The following KCTD8 variants were observed in gnomAD, a reference collection of about 807,000 sequenced individuals.
KCTD8 encodes potassium channel tetramerization domain containing 8.
Under a neutral mutation model 31.5 loss-of-function variants are expected in KCTD8, and 27 were observed. The observed-to-expected ratio is 0.86, with a 90% confidence interval of 0.63 to 1.18. KCTD8 has a LOEUF of 1.18. KCTD8 is among the 50% of genes most tolerant of loss of function. KCTD8 has a pLI of 0.00. For missense variants in KCTD8, 658 were observed against 647.7 expected (o/e 1.02, Z -0.17); for synonymous variants, 290 against 280.0 (o/e 1.04, Z -0.36).
At chr4:44,437,133 C>A (rs540305709) in intron 1 of KCTD8, among the ~76,000 whole-genome samples, 11 of 151,178 alleles carry the variant, frequency 7.3e-5, no homozygotes, top group Non-Finnish European at 1.5e-4. Flanking sequence ...CTTAAAGCAA[C>A]TCACAAGTCC....
intron 1 of KCTD8, among the ~76,000 whole-genome samples, chr4:44,260,096 T>C (rs555449315): frequency 1.3e-4 from 19 of 151,700 alleles, no homozygotes; most frequent in Middle Eastern, 3.4e-3. Flanking sequence ...GCTAAACTTG[T>C]CACAAGCAAA....
chr4:44,257,406 A>G (rs1716020801), intron 1 of KCTD8, among the ~76,000 whole-genome samples: 1 of 152,008 alleles, frequency 6.6e-6, no homozygotes, highest in Admixed American at 6.6e-5. Context: ...TATTTAAAAG[A>G]CTGAATTGTT....
Position 44,332,156 on chromosome 4 carries a change from C to G in KCTD8, c.961+115407G>C, listed in dbSNP as rs114775356. ...CACTGATCGTTCAATTATTTTCTAG[C>G]TACACAGTCTCTAAATTTCAGTGTT... On this transcript the variant is annotated intron_variant, in intron 1 of 1. Transcript: ENST00000360029. Among the ~76,000 whole-genome samples the G allele has an allele frequency of 6.4e-3, 975 of 151,992 alleles. 12 individuals carry two copies. The highest frequency in any genetic ancestry group is 0.023 in the African/African-American group (937 of 41,530).
chr4:44,411,665 G>A (rs1720961058), intron 1 of KCTD8, among the ~76,000 whole-genome samples: 2 of 152,116 alleles, frequency 1.3e-5, no homozygotes, highest in Admixed American at 6.6e-5. Context: ...AAATGGAATT[G>A]GGATGAAATC....
intron 1 of KCTD8, among the ~76,000 whole-genome samples, chr4:44,218,600 A>G (rs1366948477): frequency 6.7e-6 from 1 of 148,542 alleles, no homozygotes; most frequent in East Asian, 2.0e-4. Context: ...ATATAGATAT[A>G]TATCTACTAT....
intron 1 of KCTD8, among the ~76,000 whole-genome samples, chr4:44,337,820 G>T (rs1483474061): frequency 1.3e-5 from 2 of 151,590 alleles, no homozygotes; most frequent in Non-Finnish European, 2.9e-5. Flanking sequence ...GACACGAACT[G>T]AACTATTTAA....
At chr4:44,189,217 T>C (rs1713685991) in intron 1 of KCTD8, among the ~76,000 whole-genome samples, 1 of 152,202 alleles carries the variant, frequency 6.6e-6, no homozygotes, top group Non-Finnish European at 1.5e-5. Context: ...CATTCTACTT[T>C]GTGGGTATCC....
intron 1 of KCTD8, among the ~76,000 whole-genome samples, chr4:44,370,989 C>T (rs1322175386): frequency 6.6e-6 from 1 of 152,024 alleles, no homozygotes; most frequent in Non-Finnish European, 1.5e-5. Context: ...CCAAAATTTG[C>T]TGTCTGCAAG....
At chr4:44,201,380 A>C (rs532171096) in intron 1 of KCTD8, among the ~76,000 whole-genome samples, 1 of 152,294 alleles carries the variant, frequency 6.6e-6, no homozygotes, top group African/African-American at 2.4e-5. Flanking sequence ...ACAAAGATGG[A>C]GGTATCACAT....
chr4:44,392,807 A>C (rs1189834493), intron 1 of KCTD8, among the ~76,000 whole-genome samples: 1 of 152,032 alleles, frequency 6.6e-6, no homozygotes, highest in Non-Finnish European at 1.5e-5. Context: ...GCTTCATCAT[A>C]ATTTCTGTCT....
At position 44,286,761 on chromosome 4, in the gene KCTD8, C is replaced by T. The variant is rs1408477943; in HGVS notation, c.962-111511G>A. ...GTTTTAAGAAAAAATAACTTTGCTCCTGGAAAGAGGATGGATGGTTTAGGG... is the reference window on the plus strand; with the variant it reads ...GTTTTAAGAAAAAATAACTTTGCTCTTGGAAAGAGGATGGATGGTTTAGGG... On this transcript the variant is annotated intron_variant, in intron 1 of 1. Transcript: ENST00000360029. Among the ~76,000 whole-genome samples the T allele has an allele frequency of 5.9e-5, 9 of 151,938 alleles. 1 individual carries two copies. In the South Asian group the frequency reaches 1.5e-3, roughly 24 times the overall value.
At chr4:44,303,718 A>C (rs1717711203) in intron 1 of KCTD8, among the ~76,000 whole-genome samples, 1 of 151,988 alleles carries the variant, frequency 6.6e-6, no homozygotes, top group African/African-American at 2.4e-5. Context: ...TAGGAGGCTA[A>C]GGCAGAATTG....
At chr4:44,228,546 GT>G (rs1715029212) in intron 1 of KCTD8, among the ~76,000 whole-genome samples, 2 of 152,196 alleles carry the variant, frequency 1.3e-5, no homozygotes, top group African/African-American at 4.8e-5. Flanking sequence ...TCAAACACAA[GT>G]TTTTCCTGCT....
rs546208063 is a variant in KCTD8, at chr4:44,375,093, A to C, written c.961+72470T>G. On this transcript the variant is annotated intron_variant, in intron 1 of 1. Coordinates refer to ENST00000360029, the MANE Select transcript of KCTD8 (RefSeq NM_198353.3). Reference sequence around the variant, plus strand: ...TTCACCTGAATTGTTTATATTTTACATTAAGAGACCTCAGAATTAGAAAGT... The same window carrying C: ...TTCACCTGAATTGTTTATATTTTACCTTAAGAGACCTCAGAATTAGAAAGT... Among the ~76,000 whole-genome samples, 4 of 152,322 alleles carry C rather than the reference A, an allele frequency of 2.6e-5. No homozygotes were observed. The East Asian group carries it at 7.7e-4, about 29-fold the overall frequency.
intron 1 of KCTD8, among the ~76,000 whole-genome samples, chr4:44,322,403 A>T (rs898617194): frequency 1.3e-5 from 2 of 151,936 alleles, no homozygotes; most frequent in Admixed American, 6.6e-5. Context: ...TTCTTTTGAG[A>T]AATGTCTATT....
intron 1 of KCTD8, among the ~76,000 whole-genome samples, chr4:44,317,335 G>C (rs555417907): frequency 0.011 from 1,440 of 129,004 alleles, 18 homozygotes; most frequent in Non-Finnish European, 0.018. Context: ...CGCTTCCCGG[G>C]TTCACGCCAT....
chr4:44,225,846 A>T (rs1254231452), intron 1 of KCTD8, among the ~76,000 whole-genome samples: 1 of 96,308 alleles, frequency 1.0e-5, no homozygotes, highest in African/African-American at 4.2e-5. Flanking sequence ...TTCGAGATGG[A>T]GTCTTGCTCT....
chr4:44,327,922 G>C (rs1477553633), intron 1 of KCTD8, among the ~76,000 whole-genome samples: 1 of 151,764 alleles, frequency 6.6e-6, no homozygotes, highest in Non-Finnish European at 1.5e-5. Context: ...CAAACATTTG[G>C]TAACTTTAAG....
intron 1 of KCTD8, among the ~76,000 whole-genome samples, chr4:44,317,340 C>T (rs796438426): frequency 6.0e-5 from 8 of 134,296 alleles, no homozygotes; most frequent in African/African-American, 2.6e-4. Context: ...CCCGGGTTCA[C>T]GCCATTCTCC....
Sources: allele counts gnomAD v4.1 joint callset (sites outside exome capture counted in the v4.1 genomes callset), GRCh38; gene constraint gnomAD v4.1.1; transcripts MANE v1.5; gene names NCBI Gene and HGNC (gene_info 2026-07-23, HGNC 2026-07-21).